BAP1: variants seen among roughly 807,000 people sequenced by gnomAD.
The protein encoded by BAP1 is BRCA1 associated deubiquitinase 1.
In BAP1, 16 loss-of-function variants were observed where a neutral mutation model predicts 77.2. That is an observed-to-expected ratio of 0.21 (90% CI 0.14 to 0.31). BAP1 has a LOEUF of 0.31. Ranked by LOEUF, BAP1 falls within the 10% of genes least tolerant of loss-of-function variation. The probability of loss-of-function intolerance (pLI) is 1.00; values close to 1 mark genes in which losing one functional copy is unlikely to be tolerated. For synonymous variants in BAP1, 362 were observed against 385.2 expected, an observed-to-expected ratio of 0.94 and a Z score of 0.71; for missense variants, 699 against 967.3, an observed-to-expected ratio of 0.72 and a Z score of 3.68.
chr3:52,402,465 G>T lies in BAP1; in HGVS notation c.2057-44C>A. 6.3e-7 allele frequency: 1 copy of T among 1,580,766 alleles called. No individual in the cohort carries two copies. Among genetic ancestry groups the T allele is most frequent in the Non-Finnish European group, 8.6e-7 (1 of 1,163,848 alleles). On this transcript the variant is annotated intron_variant, in intron 16 of 16. Transcript: ENST00000460680. The surrounding 1 kb of genome is among the most constrained non-coding windows in gnomAD (Gnocchi z 5.3). ...CCTTGAGCAGGTGCTGGCTGCCTCA[G>T]GCCAGGAGCTGAGGCTCTCATGGCC... is the stretch of plus-strand genomic sequence containing the variant.
rs1236354296 is a variant in BAP1 at position 52,409,892 on chromosome 3, G to C, written c.-14C>G. 1 of 1,605,336 alleles carries C rather than the reference G, an allele frequency of 6.2e-7. No homozygotes were observed. Among genetic ancestry groups the C allele is most frequent in the East Asian group, 2.2e-5 (1 of 44,866 alleles). ...GCCCTTATTCATCTTCCCGCGGGGCGGCCCCTCAGCGCCATGTCCAGGCCC... is the reference window on the plus strand; with the variant it reads ...GCCCTTATTCATCTTCCCGCGGGGCCGCCCCTCAGCGCCATGTCCAGGCCC... On this transcript the variant is annotated 5_prime_UTR_variant, in exon 1 of 17. Coordinates refer to ENST00000460680, the MANE Select transcript of BAP1 (RefSeq NM_004656.4).
At position 52,406,927 on chromosome 3, in the gene BAP1, G is replaced by T. The variant is rs2153227674; in HGVS notation, c.581-20C>A. On this transcript the variant is annotated intron_variant, in intron 7 of 16. Transcript: ENST00000460680. The surrounding 1 kb of genome is among the most constrained non-coding windows in gnomAD (Gnocchi z 4.6). ...AGGGCCCTAGTGGAGACCAAGACAAGGAATCAGCGAGAAGGAAACCCTGAG... is the reference window on the plus strand; with the variant it reads ...AGGGCCCTAGTGGAGACCAAGACAATGAATCAGCGAGAAGGAAACCCTGAG... 6.4e-7 allele frequency: 1 copy of T among 1,564,320 alleles called. No homozygotes were observed. Among genetic ancestry groups the T allele is most frequent in the East Asian group, 2.4e-5 (1 of 42,024 alleles).
Position 52,404,500 on chromosome 3 carries a change from A to AT in BAP1, c.1202dup (p.Tyr401Ter). Residue 401 changes from tyrosine (Y) to a stop codon, truncating the protein, a stop_gained and frameshift_variant, in exon 12 of 17, where the codon TAT (tyrosine) becomes TAAT (stop). Transcript: ENST00000460680. LOFTEE classifies it high-confidence loss of function. ...PQQYSDDEDDYEDDEEDDVQN... is the reference protein window; with the variant it reads ...PQQYSDDEDD ...GCACGTCATCCTCCTCGTCATCCTC[A>AT]TAGTCATCCTCATCATCTGAGTACT... The AT allele has an allele frequency of 6.2e-7, 1 of 1,614,102 alleles. No individual in the cohort carries two copies. Among genetic ancestry groups the AT allele is most frequent in the Non-Finnish European group, 8.5e-7 (1 of 1,180,026 alleles).
rs1188581738 is a variant in BAP1, at chr3:52,402,263, G to C, written c.*25C>G. 1 of 1,598,372 alleles carries C rather than the reference G, an allele frequency of 6.3e-7. No homozygotes were observed. Among genetic ancestry groups the C allele is most frequent in the South Asian group, 1.1e-5 (1 of 88,068 alleles). ...GGTGAGGGCCACACGGCAAGAGTGG[G>C]CTGCAGAGTCAGGGCCAGCAGTCCT... On this transcript the variant is annotated 3_prime_UTR_variant, in exon 17 of 17. Coordinates refer to ENST00000460680, the MANE Select transcript of BAP1 (RefSeq NM_004656.4). The surrounding 1 kb of genome is among the most constrained non-coding windows in gnomAD (Gnocchi z 5.3).
Position 52,403,127 on chromosome 3 carries a change from C to G in BAP1, c.1890+11G>C, listed in dbSNP as rs537090290. 5 of 1,612,232 alleles carry G rather than the reference C, an allele frequency of 3.1e-6. No individual in the cohort carries two copies. The African/African-American group carries it at 6.7e-5, about 22-fold the overall frequency. On this transcript the variant is annotated intron_variant, in intron 14 of 16. Transcript: ENST00000460680. The surrounding 1 kb of genome is among the most constrained non-coding windows in gnomAD (Gnocchi z 4.0). ...CCAGGATTAAAGGAGAAAACCACAA[C>G]GGAGGCTCACCTTGGGTGAGTATTT...
intron 5 of BAP1, 33 bp downstream of exon 5, chr3:52,407,925 G>A (rs201412252): frequency 6.2e-7 from 1 of 1,612,610 alleles, no homozygotes; most frequent in Non-Finnish European, 8.5e-7. Context: ...TGCCCAGTTG[G>A]CTGTGAGCCA....
At chr3:52,408,217 A>G in intron 4 of BAP1, 140 bp from the exon 5 acceptor site, 1 of 1,426,518 alleles carries the variant, frequency 7.0e-7, no homozygotes, top group South Asian at 1.2e-5. Context: ...TCTTTGCCTA[A>G]TGTTTATTCA....
Position 52,410,002 on chromosome 3 carries a change from G to A in BAP1, c.-124C>T. ...ACACACAGACAACGGGCCCAGTCGCGTCACCCGCCCGCGCCGGCGGCAGAC... is the reference window on the plus strand; with the variant it reads ...ACACACAGACAACGGGCCCAGTCGCATCACCCGCCCGCGCCGGCGGCAGAC... On this transcript the variant is annotated 5_prime_UTR_variant, in exon 1 of 17. The change creates a new upstream start codon in the 5' untranslated region. Transcript: ENST00000460680. The A allele has an allele frequency of 1.4e-6, 2 of 1,408,248 alleles. No individual in the cohort carries two copies. Among genetic ancestry groups the A allele is most frequent in the Non-Finnish European group, 1.9e-6 (2 of 1,041,774 alleles). 87.2% of individuals were successfully genotyped at this position (1,408,248 alleles called of 1,614,324 possible).
At position 52,402,473 on chromosome 3, in the gene BAP1, G is replaced by A. The variant is rs775815421; in HGVS notation, c.2057-52C>T. The A allele has an allele frequency of 8.2e-6, 13 of 1,585,960 alleles. No homozygotes were observed. In the Admixed American group the frequency reaches 2.4e-4, roughly 29 times the overall value. On this transcript the variant is annotated intron_variant, in intron 16 of 16. Transcript: ENST00000460680. This position sits in a 1 kb window ranked among gnomAD's most constrained non-coding sequence, Gnocchi z 5.3. ...AGGTGCTGGCTGCCTCAGGCCAGGA[G>A]CTGAGGCTCTCATGGCCCTCCCTGT...
Position 52,403,175 on chromosome 3 carries a change from G to A in BAP1, c.1853C>T (p.Pro618Leu), listed in dbSNP as rs1705021477. 3.1e-6 allele frequency: 5 copies of A among 1,614,074 alleles called. No homozygotes were observed. The highest frequency in any genetic ancestry group is 4.2e-6 in the Non-Finnish European group (5 of 1,180,038). Residue 618 changes from proline (P) to leucine (L), a missense_variant, in exon 14 of 17, where the codon CCT becomes CTT. Pro to Leu is a moderately conservative substitution (Grantham distance 98). Around this residue, in one of 3 missense-constraint regions of BAP1, gnomAD observed 475 missense variants for 532.4 expected, o/e 0.89. Coordinates refer to ENST00000460680, the MANE Select transcript of BAP1 (RefSeq NM_004656.4). This position sits in a 1 kb window ranked among gnomAD's most constrained non-coding sequence, Gnocchi z 4.0. ...DSREKTGMVR[P>L]GEPLSGEKYS... Reference sequence around the variant, plus strand: ...TTTCTCCCCACTCAAGGGCTCGCCAGGCCTCACCATCCCCGTCTTCTCTCT... The same window carrying A: ...TTTCTCCCCACTCAAGGGCTCGCCAAGCCTCACCATCCCCGTCTTCTCTCT...
rs1704949793 is a variant in BAP1 at position 52,401,412 on chromosome 3, G to A, written c.*876C>T. ...CTGTCTCTGCTACCCCTGAGAGGGA[G>A]ACATGGTAATACTGAGGGGCTGGAC... On this transcript the variant is annotated 3_prime_UTR_variant, in exon 17 of 17. Transcript: ENST00000460680. The A allele has an allele frequency of 4.3e-6, 1 of 233,664 alleles. No individual in the cohort carries two copies. Among genetic ancestry groups the A allele is most frequent in the Non-Finnish European group, 8.5e-6 (1 of 118,022 alleles). 14.5% of individuals were successfully genotyped at this position (233,664 alleles called of 1,614,324 possible).
chr3:52,409,486 G>A (rs369945560), intron 3 of BAP1, 68 bp downstream of exon 3: 2 of 1,590,014 alleles, frequency 1.3e-6, no homozygotes, highest in Admixed American at 1.7e-5. Context: ...TCCCTAAGGG[G>A]CCCTGTTCTC....
chr3:52,402,702 C>T lies in BAP1; in HGVS notation c.1984-28G>A. ...GTAGGAGAGAAGAAGACTGAGAGCA[C>T]TGGAGCCAATCTTGCCAGAGCAGCC... On this transcript the variant is annotated intron_variant, in intron 15 of 16. Coordinates refer to ENST00000460680, the MANE Select transcript of BAP1 (RefSeq NM_004656.4). This position sits in a 1 kb window ranked among gnomAD's most constrained non-coding sequence, Gnocchi z 5.3. 1 of 1,614,152 alleles carries T rather than the reference C, an allele frequency of 6.2e-7. No individual in the cohort carries two copies. Among genetic ancestry groups the T allele is most frequent in the Non-Finnish European group, 8.5e-7 (1 of 1,179,952 alleles).
rs1705169525 is a variant in BAP1 at position 52,406,700 on chromosome 3, T to C, written c.659+129A>G. On this transcript the variant is annotated intron_variant, in intron 8 of 16. Coordinates refer to ENST00000460680, the MANE Select transcript of BAP1 (RefSeq NM_004656.4). The surrounding 1 kb of genome is among the most constrained non-coding windows in gnomAD (Gnocchi z 4.6). ...AATAAGACAACAAGTTGAGAACCCA[T>C]GATCTAAGCCTGATCTTGCCAGATT... 9.3e-7 allele frequency: 1 copy of C among 1,078,868 alleles called. No homozygotes were observed. The highest frequency in any genetic ancestry group is 3.0e-5 in the East Asian group (1 of 32,832). 66.8% of individuals were successfully genotyped at this position (1,078,868 alleles called of 1,614,324 possible). A position where few individuals can be genotyped will look rare whatever the true frequency, so the allele number is the denominator to read the frequency against.
Position 52,402,234 on chromosome 3 carries a change from C to T in BAP1, c.*54G>A, listed in dbSNP as rs1559584416. ...AAAGGGGAAGTGGGGCAGGGAAGGACCCTGGTGAGGGCCACACGGCAAGAG... is the reference window on the plus strand; with the variant it reads ...AAAGGGGAAGTGGGGCAGGGAAGGATCCTGGTGAGGGCCACACGGCAAGAG... On this transcript the variant is annotated 3_prime_UTR_variant, in exon 17 of 17. Coordinates refer to ENST00000460680, the MANE Select transcript of BAP1 (RefSeq NM_004656.4). The surrounding 1 kb of genome is among the most constrained non-coding windows in gnomAD (Gnocchi z 5.3). 2.5e-6 allele frequency: 4 copies of T among 1,582,580 alleles called. No individual in the cohort carries two copies. The highest frequency in any genetic ancestry group is 3.4e-6 in the Non-Finnish European group (4 of 1,166,922).
In BAP1 at chr3:52,401,839, A is replaced by G. The variant is rs1233809960; in HGVS notation, c.*449T>C. ...CCCAGGCCCCCAGCTAGGACCCTGT[A>G]GTTGGGACCGTGGCATGATACAAGG... On this transcript the variant is annotated 3_prime_UTR_variant, in exon 17 of 17. Transcript: ENST00000460680. The G allele has an allele frequency of 3.5e-6, 1 of 287,650 alleles. No individual in the cohort carries two copies. Among genetic ancestry groups the G allele is most frequent in the Non-Finnish European group, 6.7e-6 (1 of 149,912 alleles). The allele number at this position is 287,650 out of a possible 1,614,324, so 17.8% of individuals were successfully genotyped here.
Position 52,402,232 on chromosome 3 carries a change from G to C in BAP1, c.*56C>G, listed in dbSNP as rs1352046866. 1.5e-5 allele frequency: 23 copies of C among 1,580,310 alleles called. No homozygotes were observed. The East Asian group carries it at 4.8e-4, about 33-fold the overall frequency. On this transcript the variant is annotated 3_prime_UTR_variant, in exon 17 of 17. Coordinates refer to ENST00000460680, the MANE Select transcript of BAP1 (RefSeq NM_004656.4). The surrounding 1 kb of genome is among the most constrained non-coding windows in gnomAD (Gnocchi z 5.3). ...GAAAAGGGGAAGTGGGGCAGGGAAGGACCCTGGTGAGGGCCACACGGCAAG... is the reference window on the plus strand; with the variant it reads ...GAAAAGGGGAAGTGGGGCAGGGAAGCACCCTGGTGAGGGCCACACGGCAAG...
chr3:52,402,679 A>T lies in BAP1; in HGVS notation c.1984-5T>A, dbSNP rs766892411. Reference sequence around the variant, plus strand: ...GGTCCTTCTCTGGTCATCAATCTGTAGGAGAGAAGAAGACTGAGAGCACTG... The same window carrying T: ...GGTCCTTCTCTGGTCATCAATCTGTTGGAGAGAAGAAGACTGAGAGCACTG... On this transcript the variant is annotated splice_region_variant and splice_polypyrimidine_tract_variant and intron_variant, in intron 15 of 16. Coordinates refer to ENST00000460680, the MANE Select transcript of BAP1 (RefSeq NM_004656.4). This position sits in a 1 kb window ranked among gnomAD's most constrained non-coding sequence, Gnocchi z 5.3. The T allele has an allele frequency of 6.2e-7, 1 of 1,614,188 alleles. No homozygotes were observed. Among genetic ancestry groups the T allele is most frequent in the Non-Finnish European group, 8.5e-7 (1 of 1,179,992 alleles).
rs1705085368 is a variant in BAP1 at position 52,404,527 on chromosome 3, C to T, written c.1176G>A (p.Gln392=). The T allele has an allele frequency of 6.2e-7, 1 of 1,614,164 alleles. No homozygotes were observed. The highest frequency in any genetic ancestry group is 1.3e-5 in the African/African-American group (1 of 75,058). The change falls in exon 12 of 17, where the codon CAG becomes CAA. Residue 392 remains glutamine (Q), a synonymous_variant. Transcript: ENST00000460680. ...AGTCATCCTCATCATCTGAGTACTGCTGGGGTGGGCGGACTGGAACTCGGC... is the reference window on the plus strand; with the variant it reads ...AGTCATCCTCATCATCTGAGTACTGTTGGGGTGGGCGGACTGGAACTCGGC... The part of the protein sequence containing the change: ...GRSRVPVRPP[Q]QYSDDEDDYE...
Sources: gnomAD v4.1 joint callset for allele counts on GRCh38, gnomAD v4.1.1 for gene constraint, gnomAD v4.1.1 regional missense constraint, Gnocchi (gnomAD v3.1) non-coding constraint, MANE v1.5 for transcripts, NCBI Gene and HGNC (gene_info 2026-07-23, HGNC 2026-07-21) for gene names.